The following ZBTB20 variants were observed in gnomAD, a reference collection of about 807,000 sequenced individuals.
The protein encoded by ZBTB20 is zinc finger and BTB domain-containing protein 20.
In ZBTB20, 9 loss-of-function variants were observed where a neutral mutation model predicts 56.9. That is an observed-to-expected ratio of 0.16 (90% CI 0.10 to 0.28). The LOEUF (loss-of-function observed/expected upper bound fraction) is 0.28, where lower values mean the gene tolerates loss of function less well. ZBTB20 is among the 10% of genes least tolerant of loss of function. ZBTB20 has a pLI of 1.00. For synonymous variants in ZBTB20, 417 were observed against 420.7 expected (o/e 0.99, Z 0.11); for missense variants, 655 against 1,003.0 (o/e 0.65, Z 4.69).
chr3:114,974,034 C>G (rs112871379), intron 3 of ZBTB20, among the ~76,000 whole-genome samples: 3 of 138,386 alleles, frequency 2.2e-5, no homozygotes, highest in African/African-American at 8.0e-5. Flanking sequence ...CAAAAGAACA[C>G]AGTTTAAAAT....
chr3:115,097,310 C>T (rs1246085995), intron 1 of ZBTB20, among the ~76,000 whole-genome samples: 1 of 152,130 alleles, frequency 6.6e-6, no homozygotes, highest in African/African-American at 2.4e-5. Context: ...TCCCGAGTAG[C>T]TGGGACTACA....
intron 4 of ZBTB20, among the ~76,000 whole-genome samples, chr3:114,896,350 G>A (rs1270524537): frequency 6.6e-6 from 1 of 152,094 alleles, no homozygotes; most frequent in Non-Finnish European, 1.5e-5. Flanking sequence ...AGCAATCCAA[G>A]TGTCCACTGA....
At chr3:114,953,678 T>C (rs1262064917) in intron 3 of ZBTB20, among the ~76,000 whole-genome samples, 1 of 151,980 alleles carries the variant, frequency 6.6e-6, no homozygotes, top group African/African-American at 2.4e-5. Flanking sequence ...TAAATCTGTA[T>C]GCCCTAACAA....
chr3:114,356,696 G>C (rs988168458), intron 10 of ZBTB20, among the ~76,000 whole-genome samples: 1 of 152,132 alleles, frequency 6.6e-6, no homozygotes, highest in Admixed American at 6.5e-5. Flanking sequence ...CTGGAGAAAG[G>C]GGGGATGTAT....
rs573260875 is a variant in ZBTB20 at position 114,749,384 on chromosome 3, G to T, written c.-343+51717C>A. On this transcript the variant is annotated intron_variant, in intron 5 of 11. Coordinates refer to ENST00000675478, the MANE Select transcript of ZBTB20 (RefSeq NM_001348800.3). ...CTGGCCAACATAGTGAAACCCCGTC[G>T]CTACTAAAAATACAAAAAAGTAGCT... Among the ~76,000 whole-genome samples the T allele has an allele frequency of 5.3e-5, 8 of 151,944 alleles. No individual in the cohort carries two copies. In the South Asian group the frequency reaches 8.3e-4, roughly 16 times the overall value.
At chr3:114,948,707 T>A (rs1418378675) in intron 3 of ZBTB20, among the ~76,000 whole-genome samples, 1 of 146,060 alleles carries the variant, frequency 6.8e-6, no homozygotes, top group Non-Finnish European at 1.5e-5. Context: ...AAAATAAAAC[T>A]TAAAATGATA....
chr3:115,053,760 C>A (rs1220286186), intron 2 of ZBTB20, among the ~76,000 whole-genome samples: 1 of 151,956 alleles, frequency 6.6e-6, no homozygotes, highest in Non-Finnish European at 1.5e-5. Flanking sequence ...GCCCTATAAA[C>A]CTGTCTGATA....
intron 2 of ZBTB20, among the ~76,000 whole-genome samples, chr3:115,016,730 G>A (rs1560495170): frequency 6.6e-6 from 1 of 151,794 alleles, no homozygotes; most frequent in Admixed American, 6.6e-5. Context: ...AGTGTAGTTT[G>A]AAGTCCAGTA....
intron 6 of ZBTB20, among the ~76,000 whole-genome samples, chr3:114,598,044 C>G (rs1409064748): frequency 6.6e-6 from 1 of 152,078 alleles, no homozygotes; most frequent in African/African-American, 2.4e-5. Context: ...CATTAAAACT[C>G]TCAAGAAGGA....
At position 114,943,797 on chromosome 3, in the gene ZBTB20, C is replaced by G. The variant is rs1455942891; in HGVS notation, c.-456+30569G>C. Among the ~76,000 whole-genome samples the G allele has an allele frequency of 2.1e-5, 3 of 140,192 alleles. 1 individual carries two copies. Among genetic ancestry groups the G allele is most frequent in the African/African-American group, 9.0e-5 (3 of 33,198 alleles). The allele number at this position is 140,192 out of a possible 152,430, so 92.0% of individuals were successfully genotyped here. A position where few individuals can be genotyped will look rare whatever the true frequency, so the allele number is the denominator to read the frequency against. ...AAAGGGTAAGGAGAATAGGCAGAAG[C>G]AAAATTCAAAGCAATAATGGCCAAG... is the stretch of plus-strand genomic sequence containing the variant. On this transcript the variant is annotated intron_variant, in intron 3 of 11. Transcript: ENST00000675478.
chr3:114,585,833 T>C (rs904681967), intron 6 of ZBTB20, among the ~76,000 whole-genome samples: 1 of 152,220 alleles, frequency 6.6e-6, no homozygotes, highest in African/African-American at 2.4e-5. Flanking sequence ...AATGCAATAG[T>C]CAAACATTTC....
At chr3:114,787,331 T>TTATATATATATATATATATATATATA (rs138181405) in intron 5 of ZBTB20, among the ~76,000 whole-genome samples, 1 of 100,604 alleles carries the variant, frequency 9.9e-6, no homozygotes, top group Non-Finnish European at 1.8e-5. Context: ...TCTTAAAAGG[T>TTATATATATATATATATATATATATA]TATATATATA....
At chr3:114,858,664 T>C (rs1383286309) in intron 4 of ZBTB20, among the ~76,000 whole-genome samples, 1 of 152,134 alleles carries the variant, frequency 6.6e-6, no homozygotes, top group Non-Finnish European at 1.5e-5. Flanking sequence ...TGCAGAAACA[T>C]TCTTCAGCTT....
At chr3:114,878,997 G>A (rs187378220) in intron 4 of ZBTB20, among the ~76,000 whole-genome samples, 6 of 152,286 alleles carry the variant, frequency 3.9e-5, no homozygotes, top group Admixed American at 3.3e-4. Context: ...CCAAAGCCTC[G>A]ATGGAATTAT....
intron 4 of ZBTB20, among the ~76,000 whole-genome samples, chr3:114,885,453 T>C (rs1208027906): frequency 1.3e-5 from 2 of 152,128 alleles, no homozygotes; most frequent in Non-Finnish European, 2.9e-5. Context: ...CTCTCGGTCT[T>C]CTAGTTCAGA....
intron 4 of ZBTB20, among the ~76,000 whole-genome samples, chr3:114,847,984 A>G (rs935658832): frequency 3.3e-5 from 5 of 152,180 alleles, no homozygotes; most frequent in African/African-American, 1.2e-4. Context: ...ATGCCTCCTA[A>G]TCCCCACTTC....
At chr3:114,746,937 C>G (rs1340711382) in intron 5 of ZBTB20, among the ~76,000 whole-genome samples, 1 of 152,124 alleles carries the variant, frequency 6.6e-6, no homozygotes, top group East Asian at 1.9e-4. Context: ...AAATGATACC[C>G]CACTGTTGGA....
chr3:114,650,883 T>C (rs1397121056), intron 6 of ZBTB20, among the ~76,000 whole-genome samples: 1 of 152,050 alleles, frequency 6.6e-6, no homozygotes. Context: ...TAGTCAGGCC[T>C]GTAGAACTTC....
intron 2 of ZBTB20, among the ~76,000 whole-genome samples, chr3:115,034,431 T>C (rs978669486): frequency 5.3e-5 from 8 of 151,702 alleles, no homozygotes; most frequent in African/African-American, 1.7e-4. Flanking sequence ...ATCAGTCACA[T>C]TGCTACACAC....
Sources: gnomAD v4.1 joint callset for allele counts (sites outside exome capture counted in the v4.1 genomes callset) on GRCh38, gnomAD v4.1.1 for gene constraint, MANE v1.5 for transcripts, NCBI Gene and HGNC (gene_info 2026-07-23, HGNC 2026-07-21) for gene names.